USP18: variants seen among roughly 807,000 people sequenced by gnomAD.
The protein encoded by USP18 is ubl carboxyl-terminal hydrolase 18.
Under a neutral mutation model 48.7 loss-of-function variants are expected in USP18, and 11 were observed. The observed-to-expected ratio is 0.23, with a 90% CI of 0.14 to 0.37. The LOEUF (loss-of-function observed/expected upper bound fraction) is 0.37. Among genes scored for constraint, USP18 ranks in the 10% least tolerant of loss-of-function variants. The pLI, the probability that USP18 is intolerant of heterozygous loss-of-function variation, is 1.00. For synonymous variants in USP18, 114 were observed against 163.2 expected (o/e 0.70, Z 2.30); for missense variants, 285 against 436.4 (o/e 0.65, Z 3.09).
At chr22:18,174,911 G>T (rs559510507) in intron 10 of USP18, among the ~76,000 whole-genome samples, 83 of 147,904 alleles carry the variant, frequency 5.6e-4, no homozygotes, top group South Asian at 3.6e-3. Flanking sequence ...CTGTTTTTTT[G>T]TTTGTTTGTT....
intron 3 of USP18, among the ~76,000 whole-genome samples, chr22:18,161,091 G>C (rs1290213911): frequency 6.6e-6 from 1 of 152,090 alleles, no homozygotes; most frequent in Non-Finnish European, 1.5e-5. Context: ...CTTTTTTAAA[G>C]CCCTCTTTGG....
At chr22:18,153,514 T>A (rs1305501765) in intron 1 of USP18, among the ~76,000 whole-genome samples, 1 of 152,092 alleles carries the variant, frequency 6.6e-6, no homozygotes, top group Non-Finnish European at 1.5e-5. Flanking sequence ...GGCCTCAAAT[T>A]CCTGGGCTCA....
rs117896320 is a variant in USP18 at position 18,157,013 on chromosome 22, C to T, written c.-106-545C>T. 6.0e-3 allele frequency among the ~76,000 whole-genome samples: 919 copies of T among 152,348 alleles called. 10 individuals are homozygous for T. Among genetic ancestry groups the T allele is most frequent in the Non-Finnish European group, 0.011 (716 of 68,038 alleles). ...GAGGCTGAGACAATATTGAGTCACA[C>T]CCCCAGAATTCATGCCATGAGACCA... is the stretch of plus-strand genomic sequence containing the variant. On this transcript the variant is annotated intron_variant, in intron 1 of 10. Coordinates refer to ENST00000215794, the MANE Select transcript of USP18 (RefSeq NM_017414.4).
At chr22:18,175,347 A>G (rs558454763) in intron 10 of USP18, among the ~76,000 whole-genome samples, 75 of 152,178 alleles carry the variant, frequency 4.9e-4, no homozygotes, top group Non-Finnish European at 7.9e-4. Flanking sequence ...ATTTTCAGCT[A>G]CAGAGATAGG....
Position 18,169,848 on chromosome 22 carries a change from A to T in USP18, c.632A>T (p.Asp211Val). Residue 211 changes from aspartate to valine, a missense_variant, in exon 7 of 11, where the codon GAC (aspartate) becomes GTC (valine). By Grantham distance (152) the Asp-to-Val change is radical. Coordinates refer to ENST00000215794, the MANE Select transcript of USP18 (RefSeq NM_017414.4). ...VDSKPLKTLE[D>V]ALHCFFQPRE... ...CTGTTCTCTTGGGTGGGACAGGAGG[A>T]CGCCCTGCACTGCTTCTTCCAGCCC... 6.3e-7 allele frequency: 1 copy of T among 1,591,236 alleles called. No homozygotes were observed. The highest frequency in any genetic ancestry group is 1.1e-5 in the South Asian group (1 of 87,236).
intron 4 of USP18, among the ~76,000 whole-genome samples, chr22:18,166,871 C>G (rs1227302978): frequency 6.6e-6 from 1 of 150,878 alleles, no homozygotes. Context: ...CCAAGTAGCT[C>G]TGACTACAGG....
In USP18 at chr22:18,170,677, C is replaced by T. The variant is rs1331435647; in HGVS notation, c.724-76C>T. On this transcript the variant is annotated intron_variant, in intron 7 of 10. Transcript: ENST00000215794. ...CGCTCCCCTCTTTTTGGGAAGAACGCGTTGCTAGCCCTGACATTTCTCTGA... is the reference window on the plus strand; with the variant it reads ...CGCTCCCCTCTTTTTGGGAAGAACGTGTTGCTAGCCCTGACATTTCTCTGA... 2.4e-5 allele frequency: 37 copies of T among 1,554,252 alleles called. 2 individuals are homozygous for T. Among genetic ancestry groups the T allele is most frequent in the Non-Finnish European group, 3.0e-5 (34 of 1,148,986 alleles).
chr22:18,161,721 G>C, intron 3 of USP18, 69 bp from the exon 4 acceptor site: 2 of 1,363,916 alleles, frequency 1.5e-6, no homozygotes, highest in Non-Finnish European at 1.9e-6. Context: ...TTTCTCCCAG[G>C]TGATTCCAGT....
chr22:18,160,767 C>CTTT (rs951642767), intron 3 of USP18, among the ~76,000 whole-genome samples: 9 of 114,452 alleles, frequency 7.9e-5, no homozygotes, highest in Non-Finnish European at 1.1e-4. Flanking sequence ...AGTATTGGTA[C>CTTT]TTTTTTTTTT....
intron 4 of USP18, among the ~76,000 whole-genome samples, chr22:18,166,325 G>T (rs532787131): frequency 6.6e-6 from 1 of 151,942 alleles, no homozygotes; most frequent in South Asian, 2.1e-4. Context: ...ATTTGGTGAG[G>T]CAGCATTTTC....
rs928251351 is a variant in USP18 at position 18,171,341 on chromosome 22, A to G, written c.891+421A>G. On this transcript the variant is annotated intron_variant, in intron 8 of 10. Coordinates refer to ENST00000215794, the MANE Select transcript of USP18 (RefSeq NM_017414.4). ...TATCAAGAGATTCTGAGAAAAAAAG[A>G]GACACAAGGCCAGGTGATGTGGCTC... 2.4e-3 allele frequency among the ~76,000 whole-genome samples: 130 copies of G among 53,084 alleles called. 3 individuals carry two copies. The highest frequency in any genetic ancestry group is 0.014 in the African/African-American group (128 of 8,886). The allele number at this position is 53,084 out of a possible 152,430, so 34.8% of individuals were successfully genotyped here.
At chr22:18,174,233 C>CTTTTT (rs1383221696) in intron 10 of USP18, among the ~76,000 whole-genome samples, 5 of 136,460 alleles carry the variant, frequency 3.7e-5, no homozygotes, top group African/African-American at 5.7e-5. Context: ...CTTTTCTTTT[C>CTTTTT]TTTTTTTTTT....
intron 1 of USP18, among the ~76,000 whole-genome samples, chr22:18,154,239 C>T (rs193028129): frequency 4.6e-5 from 7 of 152,092 alleles, no homozygotes; most frequent in South Asian, 2.1e-4. Flanking sequence ...ACTTAAACCC[C>T]GTCCAGCTTG....
rs1929563624 is a variant in USP18, at chr22:18,169,274, G to A, written c.628-570G>A. 2.6e-5 allele frequency among the ~76,000 whole-genome samples: 4 copies of A among 151,974 alleles called. No individual in the cohort carries two copies. The South Asian group carries it at 8.3e-4, about 32-fold the overall frequency. ...CAGTGAGCTCTCATGAGATCTGGTT[G>A]TTTAAAAGTGTGGAGCCAGGCTGGG... On this transcript the variant is annotated intron_variant, in intron 6 of 10. Coordinates refer to ENST00000215794, the MANE Select transcript of USP18 (RefSeq NM_017414.4).
chr22:18,152,074 AAAAAG>A (rs1347152696), intron 1 of USP18, among the ~76,000 whole-genome samples: 1 of 152,226 alleles, frequency 6.6e-6, no homozygotes, highest in Non-Finnish European at 1.5e-5. Flanking sequence ...ATAAAAATAA[AAAAAG>A]AAAAAAGAAA....
intron 6 of USP18, among the ~76,000 whole-genome samples, chr22:18,168,556 C>T (rs867311528): frequency 7.9e-5 from 12 of 152,206 alleles, no homozygotes; most frequent in South Asian, 6.2e-4. Flanking sequence ...CCACCATGCC[C>T]AGCTAATTTC....
intron 8 of USP18, among the ~76,000 whole-genome samples, chr22:18,171,950 T>G (rs114376642): frequency 8.7e-4 from 132 of 152,076 alleles, no homozygotes; most frequent in African/African-American, 2.9e-3. Flanking sequence ...CCCAATGAAG[T>G]GTATTTAAAA....
chr22:18,160,829 GT>G (rs1929311674), intron 3 of USP18, among the ~76,000 whole-genome samples: 1 of 148,808 alleles, frequency 6.7e-6, no homozygotes. Flanking sequence ...GAGTGCGACG[GT>G]GCAATCTCGG....
chr22:18,173,616 G>A (rs1415296698), intron 9 of USP18, among the ~76,000 whole-genome samples, 177 bp from the exon 10 acceptor site: 1 of 152,126 alleles, frequency 6.6e-6, no homozygotes, highest in Admixed American at 6.5e-5. Context: ...TTAAACACAG[G>A]GACAAGGGCA....
Sources: gnomAD v4.1 joint callset for allele counts (sites outside exome capture counted in the v4.1 genomes callset) on GRCh38, gnomAD v4.1.1 for gene constraint, MANE v1.5 for transcripts, NCBI Gene and HGNC (gene_info 2026-07-23, HGNC 2026-07-21) for gene names.